The following TMEM231 variants were observed in gnomAD, a reference collection of about 807,000 sequenced individuals.
The protein encoded by TMEM231 is transmembrane protein 231.
Under a neutral mutation model 38.5 loss-of-function variants are expected in TMEM231, and 40 were observed. The observed-to-expected ratio is 1.04, with a 90% CI of 0.81 to 1.35. The LOEUF (loss-of-function observed/expected upper bound fraction) is 1.35, where lower values mean the gene tolerates loss of function less well. Ranked by LOEUF, TMEM231 falls within the 40% of genes most tolerant of loss-of-function variation. TMEM231 has a pLI of 0.00. For missense variants in TMEM231, 420 were observed against 416.9 expected (o/e 1.01, Z -0.07); for synonymous variants, 199 against 181.7 (o/e 1.10, Z -0.77).
chr16:75,541,256 A>G (rs530120683), intron 6 of TMEM231, 94 bp downstream of exon 6: 13 of 766,618 alleles, frequency 1.7e-5, no homozygotes. Flanking sequence ...CTGGGTTCAA[A>G]TGATCCTCCC....
At chr16:75,542,412 T>TG in intron 5 of TMEM231, 190 bp downstream of exon 5, 1 of 593,970 alleles carries the variant, frequency 1.7e-6, no homozygotes. Flanking sequence ...GCTGGAGGGG[T>TG]GGGGGCGGTC....
intron 3 of TMEM231, 67 bp from the exon 4 acceptor site, chr16:75,545,562 G>A (rs1472087059): frequency 2.5e-6 from 3 of 1,215,202 alleles, no homozygotes; most frequent in African/African-American, 3.5e-5. Flanking sequence ...GGTGCTAAGA[G>A]TCACCTGTCT....
chr16:75,547,395 C>T (rs1172270199), intron 2 of TMEM231, among the ~76,000 whole-genome samples: 1 of 152,194 alleles, frequency 6.6e-6, no homozygotes, highest in African/African-American at 2.4e-5. Flanking sequence ...TCTCTTAGGT[C>T]TTGTTTTAGA....
At chr16:75,540,231 A>T (rs372166316) in intron 6 of TMEM231, 57 bp from the exon 7 acceptor site, 34 of 1,522,686 alleles carry the variant, frequency 2.2e-5, no homozygotes, top group East Asian at 1.6e-4. Context: ...GAGAAAATCC[A>T]AGATGGAATT....
intron 6 of TMEM231, 128 bp downstream of exon 6, chr16:75,541,222 C>A: frequency 2.6e-6 from 1 of 390,904 alleles, no homozygotes. Context: ...GACTCACTAT[C>A]TTGGCCAGGC....
chr16:75,542,031 G>A (rs1024307491), intron 5 of TMEM231: 1 of 155,826 alleles, frequency 6.4e-6, no homozygotes, highest in African/African-American at 2.4e-5. Context: ...TCTCCATGAT[G>A]TCTGCTTGCC....
intron 2 of TMEM231, among the ~76,000 whole-genome samples, chr16:75,551,578 C>G (rs557289550): frequency 4.6e-5 from 7 of 152,194 alleles, no homozygotes; most frequent in Admixed American, 3.3e-4. Context: ...AACTATGACA[C>G]TTTTCTAATC....
At chr16:75,546,121 G>T in intron 2 of TMEM231, 167 bp from the exon 3 acceptor site, 3 of 1,535,976 alleles carry the variant, frequency 2.0e-6, no homozygotes, top group Non-Finnish European at 8.8e-7. Context: ...TAATACTGGG[G>T]AGAGACACAA....
Position 75,541,388 on chromosome 16 carries a change from C to T in TMEM231, c.732G>A (p.Val244=). The T allele has an allele frequency of 6.2e-7, 1 of 1,611,762 alleles. No individual in the cohort carries two copies. Among genetic ancestry groups the T allele is most frequent in the Non-Finnish European group, 8.5e-7 (1 of 1,178,664 alleles). Residue 244 remains valine (V), a synonymous_variant, in exon 6 of 7, where the codon GTG becomes GTA. Coordinates refer to ENST00000258173, the MANE Select transcript of TMEM231 (RefSeq NM_001077418.3). ...LVGRAADAPF[V]INAIIRYPVE... ...CAGGGTATCGGATGATAGCATTAAT[C>T]ACAAATGGAGCATCTGCGGCCCTGC... is the stretch of plus-strand genomic sequence containing the variant.
intron 4 of TMEM231, among the ~76,000 whole-genome samples, chr16:75,544,372 G>T (rs2080658912): frequency 6.6e-6 from 1 of 152,164 alleles, no homozygotes; most frequent in Admixed American, 6.6e-5. Context: ...TGAATGGCAT[G>T]GTCCGATAAG....
intron 4 of TMEM231, among the ~76,000 whole-genome samples, chr16:75,544,135 T>C (rs1268012849): frequency 1.3e-5 from 2 of 152,258 alleles, no homozygotes; most frequent in African/African-American, 4.8e-5. Flanking sequence ...CAAGTATCTC[T>C]GTGAGCTTAC....
chr16:75,555,373 G>T (rs927039126), intron 2 of TMEM231: 2 of 165,738 alleles, frequency 1.2e-5, no homozygotes, highest in African/African-American at 4.7e-5. Context: ...GCATAAAAAT[G>T]CTGCCCTTTC....
chr16:75,544,532 A>G (rs2080661191), intron 4 of TMEM231, among the ~76,000 whole-genome samples: 1 of 152,170 alleles, frequency 6.6e-6, no homozygotes, highest in African/African-American at 2.4e-5. Context: ...GTGCGGGGAA[A>G]GGACAATGCA....
intron 2 of TMEM231, among the ~76,000 whole-genome samples, chr16:75,548,413 G>A (rs185707354): frequency 1.3e-5 from 2 of 152,154 alleles, no homozygotes; most frequent in African/African-American, 2.4e-5. Context: ...TTGGAAACAC[G>A]CCAGGCACTA....
At position 75,540,190 on chromosome 16, in the gene TMEM231, G is replaced by C; in HGVS notation, c.771-16C>G. Reference sequence around the variant, plus strand: ...TGGCTGATAAGTATGGACAGTTAAGGAGTGAAGGGCCACATGGTGTTAAGT... The same window carrying C: ...TGGCTGATAAGTATGGACAGTTAAGCAGTGAAGGGCCACATGGTGTTAAGT... On this transcript the variant is annotated splice_polypyrimidine_tract_variant and intron_variant, in intron 6 of 6. Transcript: ENST00000258173. 1 of 1,604,544 alleles carries C rather than the reference G, an allele frequency of 6.2e-7. No homozygotes were observed. The highest frequency in any genetic ancestry group is 8.5e-7 in the Non-Finnish European group (1 of 1,175,486).
At position 75,541,512 on chromosome 16, in the gene TMEM231, G is replaced by A. The variant is rs7202717; in HGVS notation, c.665-57C>T. On this transcript the variant is annotated intron_variant, in intron 5 of 6. Coordinates refer to ENST00000258173, the MANE Select transcript of TMEM231 (RefSeq NM_001077418.3). Reference sequence around the variant, plus strand: ...TGGCTGTTTGACTCTGGCAGTTGAAGGCTATAAAGATTATTTGATACCTGG... The same window carrying A: ...TGGCTGTTTGACTCTGGCAGTTGAAAGCTATAAAGATTATTTGATACCTGG... 0.18 allele frequency: 208,176 copies of A among 1,159,802 alleles called. 19,933 individuals carry two copies. The highest frequency in any genetic ancestry group is 0.19 in the Non-Finnish European group (157,673 of 812,340). The allele number at this position is 1,159,802 out of a possible 1,614,324, so 71.8% of individuals were successfully genotyped here. A position where few individuals can be genotyped will look rare whatever the true frequency, so the allele number is the denominator to read the frequency against.
At chr16:75,554,017 A>G (rs899595189) in intron 2 of TMEM231, among the ~76,000 whole-genome samples, 6 of 152,112 alleles carry the variant, frequency 3.9e-5, no homozygotes, top group Non-Finnish European at 8.8e-5. Flanking sequence ...TACCTTTCTC[A>G]TTACCCCCAA....
At position 75,538,165 on chromosome 16, in the gene TMEM231, G is replaced by A. The variant is rs1005523059; in HGVS notation, c.*1829C>T. 2 of 151,476 alleles carry A rather than the reference G, an allele frequency of 1.3e-5. No individual in the cohort carries two copies. The highest frequency in any genetic ancestry group is 2.9e-5 in the Non-Finnish European group (2 of 67,912). 9.4% of individuals were successfully genotyped at this position (151,476 alleles called of 1,614,324 possible). On this transcript the variant is annotated 3_prime_UTR_variant, in exon 7 of 7. Transcript: ENST00000258173. ...TTTATTTATTTATTTTAACAGATAG[G>A]GTCTCACTCTGTCACCCAGGCTACA...
chr16:75,543,054 C>G (rs902782160), intron 4 of TMEM231, among the ~76,000 whole-genome samples: 2 of 152,152 alleles, frequency 1.3e-5, no homozygotes, highest in Non-Finnish European at 2.9e-5. Flanking sequence ...CCCTCTTTAT[C>G]TCAGCGGGAG....
Sources: allele counts gnomAD v4.1 joint callset (sites outside exome capture counted in the v4.1 genomes callset), GRCh38; gene constraint gnomAD v4.1.1; transcripts MANE v1.5; gene names NCBI Gene and HGNC (gene_info 2026-07-23, HGNC 2026-07-21).